Variants in GSTA4 observed in about 807,000 individuals in gnomAD.
GSTA4 encodes glutathione S-transferase alpha 4.
A neutral mutation model predicts 24.4 loss-of-function variants in GSTA4; 15 were observed. That is an observed-to-expected ratio of 0.61 (90% CI 0.41 to 0.95). The LOEUF is 0.95. Among genes scored for constraint, GSTA4 ranks in the 40% least tolerant of loss-of-function variants. GSTA4 has a pLI of 0.00. For missense variants in GSTA4, 244 were observed against 262.1 expected (o/e 0.93, Z 0.48); for synonymous variants, 92 against 94.2 (o/e 0.98, Z 0.13).
At chr6:52,979,308 G>A (rs1457231091) in intron 6 of GSTA4, among the ~76,000 whole-genome samples, 3 of 152,148 alleles carry the variant, frequency 2.0e-5, no homozygotes, top group Non-Finnish European at 4.4e-5. Flanking sequence ...CTTAAGTAAA[G>A]GTGCTTTAAA....
intron 2 of GSTA4, among the ~76,000 whole-genome samples, chr6:52,991,756 C>CTTTT (rs11440808): frequency 4.6e-5 from 6 of 130,120 alleles, no homozygotes; most frequent in African/African-American, 1.2e-4. Flanking sequence ...CTATTAATAC[C>CTTTT]TTTTTTTTTT....
Position 52,978,530 on chromosome 6 carries a change from C to G in GSTA4, c.609G>C (p.Lys203Asn). 1 of 1,611,900 alleles carries G rather than the reference C, an allele frequency of 6.2e-7. No homozygotes were observed. The highest frequency in any genetic ancestry group is 8.5e-7 in the Non-Finnish European group (1 of 1,178,102). The change falls in exon 7 of 7, where the codon AAG becomes AAC. Residue 203 changes from lysine to asparagine, a missense_variant. Transcript: ENST00000370963. Reference sequence around the variant, plus strand: ...AAATTTCATCAGGGGGAGGCTTCTTCTTGCTGCCAGGTTCAAGGAATCTCT... The same window carrying G: ...AAATTTCATCAGGGGGAGGCTTCTTGTTGCTGCCAGGTTCAAGGAATCTCT... ...TIKRFLEPGS[K>N]KKPPPDEIYV...
Position 52,982,517 on chromosome 6 carries a change from C to T in GSTA4, c.546+57G>A, listed in dbSNP as rs1411976146. 3.0e-6 allele frequency: 4 copies of T among 1,335,194 alleles called. No homozygotes were observed. In the African/African-American group the frequency reaches 5.9e-5, roughly 20 times the overall value. The allele number at this position is 1,335,194 out of a possible 1,614,324, so 82.7% of individuals were successfully genotyped here. ...TCCCCAAAGCCAACCAAACAATAGACACTGAAGGAAGGCCCAAGAGTTCTA... is the reference window on the plus strand; with the variant it reads ...TCCCCAAAGCCAACCAAACAATAGATACTGAAGGAAGGCCCAAGAGTTCTA... On this transcript the variant is annotated intron_variant, in intron 6 of 6. Transcript: ENST00000370963.
intron 3 of GSTA4, 92 bp downstream of exon 3, chr6:52,987,265 C>T (rs1763579411): frequency 3.8e-6 from 3 of 784,502 alleles, no homozygotes; most frequent in Non-Finnish European, 6.6e-6. Flanking sequence ...TCTGAATGTT[C>T]AGTGTCATTG....
chr6:52,994,134 T>A, intron 2 of GSTA4, 23 bp downstream of exon 2: 3 of 1,483,406 alleles, frequency 2.0e-6, no homozygotes, highest in Non-Finnish European at 2.8e-6. Flanking sequence ...GACAAATCCG[T>A]GAAGAAACAG....
intron 6 of GSTA4, among the ~76,000 whole-genome samples, chr6:52,981,406 G>A (rs1230345885): frequency 6.6e-6 from 1 of 152,178 alleles, no homozygotes; most frequent in Non-Finnish European, 1.5e-5. Flanking sequence ...GGACCAGTCA[G>A]CAAATATTTT....
intron 4 of GSTA4, 77 bp from the exon 5 acceptor site, chr6:52,984,682 G>GTTT: frequency 1.0e-6 from 1 of 954,930 alleles, no homozygotes; most frequent in Non-Finnish European, 1.5e-6. Context: ...AATTCAGAGT[G>GTTT]CTTTTTTTTT....
chr6:52,982,890 AGAGAGAGAGAGAGC>A (rs904746185), intron 5 of GSTA4, among the ~76,000 whole-genome samples, 185 bp from the exon 6 acceptor site: 1 of 149,706 alleles, frequency 6.7e-6, no homozygotes, highest in Non-Finnish European at 1.5e-5. Flanking sequence ...AGGGGGAGAG[AGAGAGAGAGAGAGC>A]GAGAGAGAGA....
intron 6 of GSTA4, among the ~76,000 whole-genome samples, chr6:52,980,355 A>G (rs1763428691): frequency 2.0e-5 from 3 of 149,664 alleles, no homozygotes; most frequent in Non-Finnish European, 3.0e-5. Flanking sequence ...CCCAGGCTGC[A>G]GTGCAGTGGC....
chr6:52,991,756 CTTT>C (rs11440808), intron 2 of GSTA4, among the ~76,000 whole-genome samples: 5 of 130,102 alleles, frequency 3.8e-5, no homozygotes, highest in Admixed American at 2.3e-4. Flanking sequence ...CTATTAATAC[CTTT>C]TTTTTTTTTT....
At chr6:52,992,699 C>T (rs1384030719) in intron 2 of GSTA4, among the ~76,000 whole-genome samples, 1 of 152,116 alleles carries the variant, frequency 6.6e-6, no homozygotes, top group African/African-American at 2.4e-5. Flanking sequence ...TTTTCAAAAC[C>T]GTCAAGATGG....
At chr6:52,984,378 C>T (rs1698672997) in intron 5 of GSTA4, 86 bp downstream of exon 5, 9 of 1,292,836 alleles carry the variant, frequency 7.0e-6, no homozygotes, top group Middle Eastern at 1.9e-4. Flanking sequence ...GTTTTAAAAT[C>T]CTTGGACAGA....
At chr6:52,985,714 CA>C in intron 3 of GSTA4, 131 bp from the exon 4 acceptor site, 1 of 935,996 alleles carries the variant, frequency 1.1e-6, no homozygotes, top group Non-Finnish European at 1.6e-6. Flanking sequence ...TTCCAGATGA[CA>C]GATAACCTTA....
At chr6:52,981,500 G>T (rs1763450725) in intron 6 of GSTA4, among the ~76,000 whole-genome samples, 1 of 152,200 alleles carries the variant, frequency 6.6e-6, no homozygotes, top group South Asian at 2.1e-4. Flanking sequence ...TTGTGTAAAT[G>T]AGTGGGCATG....
chr6:52,984,579 A>G lies in GSTA4; in HGVS notation c.299T>C (p.Leu100Pro), dbSNP rs45551133. 1,953 of 1,613,716 alleles carry G rather than the reference A, an allele frequency of 1.2e-3. 1 individual carries two copies. The highest frequency in any genetic ancestry group is 1.8e-3 in the Admixed American group (109 of 60,000). Residue 100 changes from leucine to proline, a missense_variant, in exon 5 of 7, where the codon CTG (leucine) becomes CCG (proline). Physicochemically the swap from Leu to Pro is moderately conservative, Grantham distance 98. Coordinates refer to ENST00000370963, the MANE Select transcript of GSTA4 (RefSeq NM_001512.4). ...CATGATAAGCAGTTCCAGCAGATCC[A>G]GTGTCCCCTCCACGTACATGTCAAT... ...TLIDMYVEGT[L>P]DLLELLIMHP... is the part of the protein sequence containing the mutation.
chr6:52,984,482 G>T lies in GSTA4; in HGVS notation c.396C>A (p.Tyr132Ter). ...CACCTACCTTTTCAAACACAGGAAA[G>T]TATCTAATTATAGCCTTCTGGGCCA... is the stretch of plus-strand genomic sequence containing the variant. ...VNMAQKAIIR[Y>*]FPVFEKILRG... The change falls in exon 5 of 7, where the codon TAC (tyrosine) becomes TAA (stop). Residue 132 changes from tyrosine (Y) to a stop codon, truncating the protein, a stop_gained. Coordinates refer to ENST00000370963, the MANE Select transcript of GSTA4 (RefSeq NM_001512.4). LOFTEE classifies it high-confidence loss of function. 6.2e-7 allele frequency: 1 copy of T among 1,612,828 alleles called. No homozygotes were observed.
chr6:52,986,039 T>C (rs1020960920), intron 3 of GSTA4, among the ~76,000 whole-genome samples: 2 of 151,462 alleles, frequency 1.3e-5, no homozygotes, highest in African/African-American at 4.8e-5. Flanking sequence ...AGAGCAAGAC[T>C]CTACCTCGAA....
At chr6:52,984,341 G>C in intron 5 of GSTA4, 123 bp downstream of exon 5, 1 of 858,512 alleles carries the variant, frequency 1.2e-6, no homozygotes, top group Non-Finnish European at 1.8e-6. Context: ...GAGTCCATTA[G>C]CGCTTAGGTT....
Position 52,982,633 on chromosome 6 carries a change from T to C in GSTA4, c.487A>G (p.Thr163Ala), listed in dbSNP as rs4147617. The C allele has an allele frequency of 2.4e-4, 383 of 1,610,380 alleles. 2 individuals carry two copies. The East Asian group carries it at 7.8e-3, about 33-fold the overall frequency. Residue 163 changes from threonine to alanine, a missense_variant, in exon 6 of 7, where the codon ACC (threonine) becomes GCC (alanine). By Grantham distance (58) the Thr-to-Ala change is moderately conservative. Transcript: ENST00000370963. ...LSLADVILLQ[T>A]ILALEEKIPN... ...ATTTTCTCTTCTAGAGCTAAAATGG[T>C]TTGGAGTAAAATCACATCTGCAAGG...
Sources: gnomAD v4.1 joint callset for allele counts (sites outside exome capture counted in the v4.1 genomes callset) on GRCh38, gnomAD v4.1.1 for gene constraint, MANE v1.5 for transcripts, NCBI Gene and HGNC (gene_info 2026-07-23, HGNC 2026-07-21) for gene names.